Variants in PAFAH1B1 observed in about 807,000 individuals in gnomAD.
PAFAH1B1 encodes platelet activating factor acetylhydrolase 1b regulatory subunit 1.
In PAFAH1B1, 2 loss-of-function variants were observed where a neutral mutation model predicts 57.5. That is an observed-to-expected ratio of 0.03 (90% CI 0.01 to 0.11). The LOEUF (loss-of-function observed/expected upper bound fraction) is 0.11. Ranked by LOEUF, PAFAH1B1 falls within the 10% of genes least tolerant of loss-of-function variation. The probability of loss-of-function intolerance (pLI) is 1.00; values close to 1 mark genes in which losing one functional copy is unlikely to be tolerated. For missense variants in PAFAH1B1, 257 were observed against 512.0 expected (o/e 0.50, Z 4.81); for synonymous variants, 152 against 169.6 (o/e 0.90, Z 0.81).
chr17:2,629,236 T>C (rs1454995407), intron 1 of PAFAH1B1, among the ~76,000 whole-genome samples: 1 of 152,200 alleles, frequency 6.6e-6, no homozygotes, highest in Non-Finnish European at 1.5e-5. Context: ...TTTAGGGCTA[T>C]GAACTTTCCT....
intron 9 of PAFAH1B1, among the ~76,000 whole-genome samples, chr17:2,679,046 G>A (rs139011325): frequency 4.8e-4 from 73 of 152,144 alleles, no homozygotes; most frequent in Non-Finnish European, 8.1e-4. Context: ...TAAAGTAGGC[G>A]TACATGGACA....
At chr17:2,633,905 T>A (rs1196752522) in intron 1 of PAFAH1B1, among the ~76,000 whole-genome samples, 1 of 151,838 alleles carries the variant, frequency 6.6e-6, no homozygotes, top group Non-Finnish European at 1.5e-5. Context: ...TCTCCATGGG[T>A]AATCTTACCA....
rs1487894134 is a variant in PAFAH1B1, at chr17:2,685,542, A to G, written c.*3740A>G. Reference sequence around the variant, plus strand: ...TTGCTCTCAGACTGTGTAAAACAAAATTTATTCATGTTTTCTGCATATTAA... The same window carrying G: ...TTGCTCTCAGACTGTGTAAAACAAAGTTTATTCATGTTTTCTGCATATTAA... On this transcript the variant is annotated 3_prime_UTR_variant, in exon 11 of 11. Coordinates refer to ENST00000397195, the MANE Select transcript of PAFAH1B1 (RefSeq NM_000430.4). 1.3e-5 allele frequency: 2 copies of G among 152,160 alleles called. No homozygotes were observed. Among genetic ancestry groups the G allele is most frequent in the East Asian group, 1.9e-4 (1 of 5,190 alleles). The allele number at this position is 152,160 out of a possible 1,614,324, so 9.4% of individuals were successfully genotyped here. A position where few individuals can be genotyped will look rare whatever the true frequency, so the allele number is the denominator to read the frequency against.
At chr17:2,618,328 A>G (rs2068374475) in intron 1 of PAFAH1B1, among the ~76,000 whole-genome samples, 1 of 152,190 alleles carries the variant, frequency 6.6e-6, no homozygotes, top group South Asian at 2.1e-4. Flanking sequence ...TCAGTTATTC[A>G]TACAGAGCAC....
intron 1 of PAFAH1B1, among the ~76,000 whole-genome samples, chr17:2,597,016 G>A (rs764739826): frequency 6.6e-6 from 1 of 152,078 alleles, no homozygotes; most frequent in Non-Finnish European, 1.5e-5. Flanking sequence ...AGCCGAGATC[G>A]TGCCACTGTA....
chr17:2,596,341 A>G (rs918686283), intron 1 of PAFAH1B1, among the ~76,000 whole-genome samples: 2 of 152,238 alleles, frequency 1.3e-5, no homozygotes, highest in Non-Finnish European at 2.9e-5. Flanking sequence ...AAATACTACA[A>G]TTGTTTTACT....
chr17:2,664,665 G>GCGCTCGCTCTCTCTCTCT, intron 2 of PAFAH1B1, among the ~76,000 whole-genome samples: 5 of 86,090 alleles, frequency 5.8e-5, no homozygotes, highest in African/African-American at 1.6e-4. Flanking sequence ...TCTATCTATC[G>GCGCTCGCTCTCTCTCTCT]CTCTCTCTCT....
intron 1 of PAFAH1B1, among the ~76,000 whole-genome samples, chr17:2,601,987 T>G (rs2068149230): frequency 6.6e-6 from 1 of 152,266 alleles, no homozygotes; most frequent in Non-Finnish European, 1.5e-5. Context: ...TATCAAAGTT[T>G]ATCATATATG....
At chr17:2,637,947 T>C (rs939817581) in intron 1 of PAFAH1B1, among the ~76,000 whole-genome samples, 152 bp from the exon 2 acceptor site, 2 of 152,218 alleles carry the variant, frequency 1.3e-5, no homozygotes, top group Admixed American at 6.5e-5. Context: ...GTTTTTGACA[T>C]TAGTTGACTT....
At chr17:2,649,598 C>T (rs79958142) in intron 2 of PAFAH1B1, among the ~76,000 whole-genome samples, 1 of 151,932 alleles carries the variant, frequency 6.6e-6, no homozygotes, top group African/African-American at 2.4e-5. Context: ...ATAAACTGTT[C>T]TTGTTGTTGG....
At chr17:2,676,650 T>G in intron 9 of PAFAH1B1, 44 bp downstream of exon 9, 1 of 1,104,306 alleles carries the variant, frequency 9.1e-7, no homozygotes, top group Non-Finnish European at 1.4e-6. Context: ...TCTTCACTGT[T>G]TATACCTTTT....
At chr17:2,659,722 A>G (rs113813697) in intron 2 of PAFAH1B1, among the ~76,000 whole-genome samples, 2,318 of 152,032 alleles carry the variant, frequency 0.015, 25 homozygotes, top group Non-Finnish European at 0.024. Flanking sequence ...CTGTAATCCC[A>G]GCTACTCAGG....
intron 2 of PAFAH1B1, chr17:2,640,414 A>T (rs1597543963): frequency 7.9e-6 from 1 of 127,210 alleles, no homozygotes; most frequent in African/African-American, 3.0e-5. Context: ...TTTGAGGAAT[A>T]GTCTTTGTTT....
At chr17:2,655,386 A>G (rs982814943) in intron 2 of PAFAH1B1, among the ~76,000 whole-genome samples, 1 of 152,156 alleles carries the variant, frequency 6.6e-6, no homozygotes, top group Non-Finnish European at 1.5e-5. Flanking sequence ...GAGAAGACAC[A>G]TCGTAGGCCA....
At chr17:2,604,299 A>T (rs1358998899) in intron 1 of PAFAH1B1, among the ~76,000 whole-genome samples, 1 of 152,044 alleles carries the variant, frequency 6.6e-6, no homozygotes, top group Non-Finnish European at 1.5e-5. Flanking sequence ...CGGCCTCCCA[A>T]AGTGCTGAGG....
chr17:2,665,507 C>T (rs2069094551), intron 3 of PAFAH1B1, 51 bp downstream of exon 3: 1 of 1,039,534 alleles, frequency 9.6e-7, no homozygotes, highest in Admixed American at 1.7e-5. Flanking sequence ...TGGATTTTCA[C>T]TCAAGTATCT....
chr17:2,609,065 A>AAC (rs2068236959), intron 1 of PAFAH1B1, among the ~76,000 whole-genome samples: 1 of 152,194 alleles, frequency 6.6e-6, no homozygotes, highest in Admixed American at 6.5e-5. Context: ...GTTTTACATA[A>AAC]AGTCTCTATT....
rs1218337166 is a variant in PAFAH1B1, at chr17:2,605,285, C to T, written c.-191+11279C>T. On this transcript the variant is annotated intron_variant, in intron 1 of 10. Coordinates refer to ENST00000397195, the MANE Select transcript of PAFAH1B1 (RefSeq NM_000430.4). ...TGGGTGACTGAGTGGAACTGAGAAA[C>T]GAGGTGTTATTAGCCATAGCAGAGA... 6.6e-5 allele frequency among the ~76,000 whole-genome samples: 10 copies of T among 152,006 alleles called. No individual in the cohort carries two copies. In the East Asian group the frequency reaches 7.7e-4, roughly 12 times the overall value.
At chr17:2,631,819 A>G (rs368346813) in intron 1 of PAFAH1B1, among the ~76,000 whole-genome samples, 2 of 152,196 alleles carry the variant, frequency 1.3e-5, no homozygotes, top group Non-Finnish European at 2.9e-5. Flanking sequence ...CTCTGCATGC[A>G]GCTCTGTCCG....
Sources: gnomAD v4.1 joint callset for allele counts (sites outside exome capture counted in the v4.1 genomes callset) on GRCh38, gnomAD v4.1.1 for gene constraint, MANE v1.5 for transcripts, NCBI Gene and HGNC (gene_info 2026-07-23, HGNC 2026-07-21) for gene names.